CSMD3: variants seen among roughly 807,000 people sequenced by gnomAD.
CSMD3 encodes the protein CUB and sushi domain-containing protein 3.
In CSMD3, 177 loss-of-function variants were observed where a neutral mutation model predicts 435.2. The observed-to-expected ratio is 0.41, with a 90% confidence interval of 0.36 to 0.46. The LOEUF is 0.46. Among genes scored for constraint, CSMD3 ranks in the 20% least tolerant of loss-of-function variants. The pLI, the probability that CSMD3 is intolerant of heterozygous loss-of-function variation, is 0.34. For missense variants in CSMD3, 4,265 were observed against 4,504.6 expected, an observed-to-expected ratio of 0.95 and a Z score of 1.52; for synonymous variants, 1,656 against 1,520.5, an observed-to-expected ratio of 1.09 and a Z score of -2.07.
intron 6 of CSMD3, among the ~76,000 whole-genome samples, chr8:113,010,032 TTATAA>T (rs1175316666): frequency 1.3e-5 from 2 of 151,760 alleles, no homozygotes; most frequent in Non-Finnish European, 2.9e-5. Context: ...ATAATTTTTA[TTATAA>T]TATCTATTAT....
intron 61 of CSMD3, among the ~76,000 whole-genome samples, chr8:112,263,389 G>A (rs1563706458): frequency 6.6e-6 from 1 of 152,074 alleles, no homozygotes; most frequent in Non-Finnish European, 1.5e-5. Context: ...ATAAATTTAA[G>A]GCTGTCTCTA....
chr8:112,546,630 C>T (rs891090294), intron 27 of CSMD3, among the ~76,000 whole-genome samples: 1 of 152,064 alleles, frequency 6.6e-6, no homozygotes, highest in Non-Finnish European at 1.5e-5. Flanking sequence ...CAGCATGATA[C>T]CCAATGATAT....
intron 10 of CSMD3, among the ~76,000 whole-genome samples, chr8:112,910,413 T>G (rs1175674838): frequency 6.6e-6 from 1 of 151,738 alleles, no homozygotes; most frequent in East Asian, 1.9e-4. Flanking sequence ...AAAATAGGGG[T>G]AGAGGGTTCT....
intron 9 of CSMD3, among the ~76,000 whole-genome samples, chr8:112,923,957 T>C (rs1488712859): frequency 6.6e-6 from 1 of 152,106 alleles, no homozygotes; most frequent in East Asian, 1.9e-4. Context: ...CTATTTCCCA[T>C]TGCCTGCTGC....
At chr8:113,004,636 G>C (rs1400295401) in intron 6 of CSMD3, among the ~76,000 whole-genome samples, 1 of 151,794 alleles carries the variant, frequency 6.6e-6, no homozygotes, top group Non-Finnish European at 1.5e-5. Context: ...TTTTTCCAAG[G>C]TAATTTTATA....
chr8:112,976,250 G>A, intron 6 of CSMD3, 102 bp from the exon 7 acceptor site: 2 of 1,354,190 alleles, frequency 1.5e-6, no homozygotes, highest in Non-Finnish European at 2.1e-6. Context: ...TTACCTTAAG[G>A]ATAATCAACA....
At chr8:113,316,751 T>C (rs773391803) in intron 1 of CSMD3, among the ~76,000 whole-genome samples, 1 of 152,012 alleles carries the variant, frequency 6.6e-6, no homozygotes, top group Non-Finnish European at 1.5e-5. Context: ...GGTTTCACCA[T>C]GTTGGCAAGG....
chr8:112,782,255 T>C (rs1188993770), intron 13 of CSMD3, among the ~76,000 whole-genome samples: 2 of 152,014 alleles, frequency 1.3e-5, no homozygotes, highest in South Asian at 4.1e-4. Context: ...ATATCTTTAG[T>C]AATAAAGTAG....
intron 3 of CSMD3, among the ~76,000 whole-genome samples, chr8:113,205,398 C>G (rs2356202): frequency 6.6e-6 from 1 of 151,948 alleles, no homozygotes; most frequent in African/African-American, 2.4e-5. Context: ...TCCTACAACA[C>G]GTGGGAATTC....
chr8:112,554,451 A>C (rs1415947895), intron 25 of CSMD3, among the ~76,000 whole-genome samples: 1 of 151,952 alleles, frequency 6.6e-6, no homozygotes, highest in Non-Finnish European at 1.5e-5. Flanking sequence ...ACAATCTGTA[A>C]ACATAATTGT....
In CSMD3 at chr8:112,684,525, T is replaced by C. The variant is rs1254618964; in HGVS notation, c.2482+881A>G. On this transcript the variant is annotated intron_variant, in intron 15 of 70. Coordinates refer to ENST00000297405, the MANE Select transcript of CSMD3 (RefSeq NM_198123.2). ...TCCAATTGGTCAATATCTGACACAGTGTAAAAGCTTCAAGGAAAAGCAATA... is the reference window on the plus strand; with the variant it reads ...TCCAATTGGTCAATATCTGACACAGCGTAAAAGCTTCAAGGAAAAGCAATA... 3.3e-5 allele frequency among the ~76,000 whole-genome samples: 5 copies of C among 152,108 alleles called. No individual in the cohort carries two copies. In the East Asian group the frequency reaches 7.7e-4, roughly 23 times the overall value.
chr8:112,649,242 G>A (rs2075060792), intron 19 of CSMD3, among the ~76,000 whole-genome samples: 1 of 152,182 alleles, frequency 6.6e-6, no homozygotes, highest in Non-Finnish European at 1.5e-5. Context: ...TTGAACAACA[G>A]CTTCTGCTTT....
chr8:112,972,510 A>C (rs763545315), intron 7 of CSMD3, among the ~76,000 whole-genome samples: 2 of 151,872 alleles, frequency 1.3e-5, no homozygotes, highest in Non-Finnish European at 2.9e-5. Context: ...GTGAATTTTG[A>C]ACCAGTAATA....
intron 1 of CSMD3, among the ~76,000 whole-genome samples, chr8:113,343,607 T>C (rs1482368525): frequency 3.3e-5 from 5 of 152,148 alleles, no homozygotes; most frequent in South Asian, 2.1e-4. Flanking sequence ...CACAAACTTA[T>C]AGATTTAGAA....
At chr8:113,229,186 A>T (rs1326991625) in intron 3 of CSMD3, among the ~76,000 whole-genome samples, 2 of 151,672 alleles carry the variant, frequency 1.3e-5, no homozygotes, top group Non-Finnish European at 3.0e-5. Flanking sequence ...TTATAGTTAC[A>T]TATGAAAAGC....
chr8:112,366,916 A>C (rs1043392023), intron 38 of CSMD3, among the ~76,000 whole-genome samples: 1 of 152,170 alleles, frequency 6.6e-6, no homozygotes, highest in African/African-American at 2.4e-5. Context: ...TTTGTTGAGA[A>C]ATAGAGTTCA....
intron 10 of CSMD3, among the ~76,000 whole-genome samples, chr8:112,897,682 C>G (rs867170202): frequency 0.011 from 945 of 86,938 alleles, 14 homozygotes; most frequent in African/African-American, 0.037. Flanking sequence ...CTCTCTCTCT[C>G]TCTCTCTCTC....
chr8:113,361,156 T>C (rs16884531), intron 1 of CSMD3, among the ~76,000 whole-genome samples: 20,139 of 152,112 alleles, frequency 0.13, 2,096 homozygotes, highest in African/African-American at 0.29. Context: ...TATGATCATG[T>C]TCTTTTCTGA....
intron 10 of CSMD3, among the ~76,000 whole-genome samples, chr8:112,907,590 G>A (rs1171533450): frequency 6.6e-6 from 1 of 151,058 alleles, no homozygotes; most frequent in African/African-American, 2.4e-5. Flanking sequence ...AACAGTAAAG[G>A]AGACTGAACT....
Sources: gnomAD v4.1 joint callset for allele counts (sites outside exome capture counted in the v4.1 genomes callset) on GRCh38, gnomAD v4.1.1 for gene constraint, MANE v1.5 for transcripts, NCBI Gene and HGNC (gene_info 2026-07-23, HGNC 2026-07-21) for gene names.